FMN1: variants seen among roughly 807,000 people sequenced by gnomAD.
FMN1 encodes formin 1.
Under a neutral mutation model 132.4 loss-of-function variants are expected in FMN1, and 110 were observed. That is an observed-to-expected ratio of 0.83 (90% CI 0.71 to 0.97). The LOEUF (loss-of-function observed/expected upper bound fraction) is 0.97, where lower values mean the gene tolerates loss of function less well. FMN1 is among the 50% of genes least tolerant of loss of function. The pLI is 0.00. For synonymous variants in FMN1, 722 were observed against 651.7 expected (o/e 1.11, Z -1.64); for missense variants, 1,792 against 1,705.3 (o/e 1.05, Z -0.90).
chr15:33,149,281 G>A (rs922053616), intron 4 of FMN1, among the ~76,000 whole-genome samples: 2 of 151,924 alleles, frequency 1.3e-5, no homozygotes, highest in Non-Finnish European at 2.9e-5. Context: ...ATATTGGGAG[G>A]GGTGATAGTT....
At chr15:32,981,876 G>A (rs1047125985) in intron 7 of FMN1, among the ~76,000 whole-genome samples, 2 of 152,046 alleles carry the variant, frequency 1.3e-5, no homozygotes, top group African/African-American at 2.4e-5. Flanking sequence ...AAAACAGCAT[G>A]ATCCATTTAA....
At position 33,072,914 on chromosome 15, in the gene FMN1, C is replaced by T. The variant is rs558598331; in HGVS notation, c.2044-7840G>A. 1.1e-4 allele frequency among the ~76,000 whole-genome samples: 16 copies of T among 144,656 alleles called. No homozygotes were observed. The East Asian group carries it at 3.4e-3, about 31-fold the overall frequency. 94.9% of individuals were successfully genotyped at this position (144,656 alleles called of 152,430 possible). A position where few individuals can be genotyped will look rare whatever the true frequency, so the allele number is the denominator to read the frequency against. ...CTCCAGCCTGGGCAACAGAACAAGA[C>T]TCCATCTCAAAAAAAAAAAAAAACA... On this transcript the variant is annotated intron_variant, in intron 5 of 20. Transcript: ENST00000616417.
intron 6 of FMN1, among the ~76,000 whole-genome samples, chr15:33,046,858 C>T (rs1229691054): frequency 1.3e-5 from 2 of 152,018 alleles, no homozygotes; most frequent in Non-Finnish European, 2.9e-5. Context: ...AAGCTGTAGC[C>T]AATCTGGTGT....
intron 7 of FMN1, among the ~76,000 whole-genome samples, chr15:32,976,530 G>GATGAGAACCCATAAATTA (rs929221993): frequency 1.3e-5 from 2 of 152,166 alleles, no homozygotes; most frequent in African/African-American, 2.4e-5. Flanking sequence ...CATTGGGTTT[G>GATGAGAACCCATAAATTA]ATGAGAACCC....
At chr15:33,172,858 G>C (rs960434038) in intron 3 of FMN1, among the ~76,000 whole-genome samples, 1 of 152,184 alleles carries the variant, frequency 6.6e-6, no homozygotes, top group African/African-American at 2.4e-5. Flanking sequence ...GAAAGCACAG[G>C]ATTTCAGTAA....
At chr15:32,979,858 C>G (rs2032510413) in intron 7 of FMN1, among the ~76,000 whole-genome samples, 1 of 152,112 alleles carries the variant, frequency 6.6e-6, no homozygotes. Context: ...ATGCATAAAC[C>G]AACCTCCCTG....
At chr15:33,162,361 C>A (rs1273293686) in intron 3 of FMN1, among the ~76,000 whole-genome samples, 1 of 150,482 alleles carries the variant, frequency 6.6e-6, no homozygotes, top group East Asian at 2.0e-4. Context: ...GGAATAATAA[C>A]AAAATTACTA....
intron 4 of FMN1, among the ~76,000 whole-genome samples, chr15:33,132,580 A>G (rs112531076): frequency 0.016 from 2,469 of 152,270 alleles, 36 homozygotes; most frequent in South Asian, 0.032. Flanking sequence ...ATATGCATGT[A>G]TTATACCCAG....
intron 15 of FMN1, among the ~76,000 whole-genome samples, chr15:32,896,688 T>C (rs539662779): frequency 1.3e-5 from 2 of 152,304 alleles, no homozygotes; most frequent in African/African-American, 4.8e-5. Context: ...CTGGATTATA[T>C]TGACTTAGCA....
chr15:33,188,747 T>C (rs754175340), intron 2 of FMN1, among the ~76,000 whole-genome samples: 1 of 152,182 alleles, frequency 6.6e-6, no homozygotes, highest in Non-Finnish European at 1.5e-5. Flanking sequence ...TGCCTTCATT[T>C]TCGTAGGCTG....
intron 17 of FMN1, among the ~76,000 whole-genome samples, chr15:32,841,592 G>T (rs939484230): frequency 6.6e-6 from 1 of 152,168 alleles, no homozygotes; most frequent in Non-Finnish European, 1.5e-5. Context: ...AAAGTCCTAG[G>T]AAATATATTC....
intron 4 of FMN1, among the ~76,000 whole-genome samples, chr15:33,098,470 G>A (rs535776212): frequency 6.6e-6 from 1 of 152,254 alleles, no homozygotes; most frequent in South Asian, 2.1e-4. Context: ...TATTCTGAGA[G>A]AAACATGACC....
At chr15:32,898,684 G>A (rs2060218272) in intron 15 of FMN1, 150 bp downstream of exon 15, 1 of 545,374 alleles carries the variant, frequency 1.8e-6, no homozygotes, top group East Asian at 2.9e-5. Context: ...AACTCTCTTG[G>A]TTTCAGTGTG....
At chr15:33,118,467 T>C (rs2040012765) in intron 4 of FMN1, among the ~76,000 whole-genome samples, 1 of 152,158 alleles carries the variant, frequency 6.6e-6, no homozygotes, top group African/African-American at 2.4e-5. Context: ...GTAAAAAATG[T>C]CAATTTCTCC....
chr15:33,091,830 T>TA (rs1406594504), intron 4 of FMN1, among the ~76,000 whole-genome samples: 3 of 152,194 alleles, frequency 2.0e-5, no homozygotes, highest in African/African-American at 7.2e-5. Flanking sequence ...CATCTGAAAT[T>TA]AGATAAATAT....
At chr15:33,026,327 T>C (rs2035668780) in intron 6 of FMN1, among the ~76,000 whole-genome samples, 1 of 151,392 alleles carries the variant, frequency 6.6e-6, no homozygotes, top group Admixed American at 6.6e-5. Context: ...GGTTAATATA[T>C]AAATACTAAC....
intron 4 of FMN1, among the ~76,000 whole-genome samples, chr15:33,101,087 A>G (rs1282690509): frequency 6.6e-6 from 1 of 152,190 alleles, no homozygotes; most frequent in Non-Finnish European, 1.5e-5. Context: ...AAATGAAGCA[A>G]CTATTAATTT....
At chr15:32,908,434 A>C (rs1035421462) in intron 12 of FMN1, 56 bp downstream of exon 12, 39 of 1,137,476 alleles carry the variant, frequency 3.4e-5, no homozygotes, top group East Asian at 7.0e-5. Context: ...GGAGACAAGA[A>C]GACAGAAATT....
At chr15:33,011,008 T>TTTC (rs113349855) in intron 6 of FMN1, among the ~76,000 whole-genome samples, 138,304 of 151,886 alleles carry the variant, frequency 0.91, 63,753 homozygotes, top group Non-Finnish European at 0.98. Flanking sequence ...TCCTTCAAAA[T>TTTC]TTGAGTTTTG....
Sources: allele counts gnomAD v4.1 joint callset (sites outside exome capture counted in the v4.1 genomes callset), GRCh38; gene constraint gnomAD v4.1.1; transcripts MANE v1.5; gene names NCBI Gene and HGNC (gene_info 2026-07-23, HGNC 2026-07-21).